Variants in SKP2 observed in about 807,000 individuals in gnomAD.
The protein encoded by SKP2 is S-phase kinase associated protein 2, also known as S-phase kinase-associated protein 2.
Under a neutral mutation model 51.8 loss-of-function variants are expected in SKP2, and 16 were observed. That is an observed-to-expected ratio of 0.31 (90% CI 0.21 to 0.47). SKP2 has a LOEUF of 0.47. SKP2 is among the 20% of genes least tolerant of loss of function. SKP2 has a pLI of 1.00. For missense variants in SKP2, 377 were observed against 505.3 expected, an observed-to-expected ratio of 0.75 and a Z score of 2.43; for synonymous variants, 176 against 198.6, an observed-to-expected ratio of 0.89 and a Z score of 0.96.
chr5:36,156,319 A>T (rs1744945597), intron 2 of SKP2, among the ~76,000 whole-genome samples: 2 of 152,196 alleles, frequency 1.3e-5, no homozygotes. Context: ...TTGTCAGGAC[A>T]GGTGGCTACT....
intron 4 of SKP2, 63 bp downstream of exon 4, chr5:36,166,725 C>A: frequency 2.2e-6 from 2 of 902,380 alleles, no homozygotes; most frequent in Admixed American, 2.4e-5. Context: ...CAGATCAAAG[C>A]TTTTTTTTTT....
chr5:36,182,899 G>A lies in SKP2; in HGVS notation c.*868G>A, dbSNP rs1258110975. 2.0e-6 allele frequency: 2 copies of A among 984,630 alleles called. No individual in the cohort carries two copies. Among genetic ancestry groups the A allele is most frequent in the African/African-American group, 3.5e-5 (2 of 57,194 alleles). 61.0% of individuals were successfully genotyped at this position (984,630 alleles called of 1,614,324 possible). Reference sequence around the variant, plus strand: ...TCCACTCTCTATTCTTGAAAATTTGGATGGGAGAATTCTGAAGTTGCCTGC... The same window carrying A: ...TCCACTCTCTATTCTTGAAAATTTGAATGGGAGAATTCTGAAGTTGCCTGC... On this transcript the variant is annotated 3_prime_UTR_variant, in exon 10 of 10. Transcript: ENST00000274255.
chr5:36,163,599 T>C (rs1745193183), intron 2 of SKP2, 46 bp from the exon 3 acceptor site: 4 of 1,160,102 alleles, frequency 3.4e-6, no homozygotes, highest in African/African-American at 1.5e-5. Flanking sequence ...GTAGACTTGA[T>C]AGGGTGAAAG....
chr5:36,154,932 A>G (rs568626869), intron 2 of SKP2, among the ~76,000 whole-genome samples: 14 of 152,326 alleles, frequency 9.2e-5, no homozygotes, highest in Admixed American at 1.3e-4. Context: ...TGTTGAAATC[A>G]TCTGTGGAAG....
chr5:36,170,027 T>C (rs1319146091), intron 5 of SKP2, among the ~76,000 whole-genome samples: 5 of 152,230 alleles, frequency 3.3e-5, no homozygotes. Context: ...TGGATATATG[T>C]TTATTCCATT....
At chr5:36,164,952 CTACAA>C (rs1168361811) in intron 3 of SKP2, among the ~76,000 whole-genome samples, 4 of 152,198 alleles carry the variant, frequency 2.6e-5, no homozygotes, top group African/African-American at 9.6e-5. Context: ...AACATTCTGA[CTACAA>C]TACAGTATTA....
At chr5:36,152,681 C>A in intron 1 of SKP2, 90 bp from the exon 2 acceptor site, 1 of 1,369,492 alleles carries the variant, frequency 7.3e-7, no homozygotes, top group Non-Finnish European at 1.0e-6. Flanking sequence ...AGGTTTCCTA[C>A]AATGCATAAA....
chr5:36,164,475 A>G (rs1231329731), intron 3 of SKP2, among the ~76,000 whole-genome samples: 1 of 152,216 alleles, frequency 6.6e-6, no homozygotes, highest in African/African-American at 2.4e-5. Flanking sequence ...ACTTTTTACT[A>G]TCTTCATGCC....
chr5:36,153,479 G>C (rs923192169), intron 2 of SKP2, among the ~76,000 whole-genome samples: 1 of 152,016 alleles, frequency 6.6e-6, no homozygotes, highest in African/African-American at 2.4e-5. Flanking sequence ...TCACCTAAGT[G>C]GGGGAGACAT....
At chr5:36,153,720 CCTT>C (rs1185351914) in intron 2 of SKP2, among the ~76,000 whole-genome samples, 1 of 152,144 alleles carries the variant, frequency 6.6e-6, no homozygotes. Context: ...ATAATTCCAA[CCTT>C]CTTCTCCCCA....
chr5:36,191,941 T>TATG (rs1746034561), intron 6 of SKP2, among the ~76,000 whole-genome samples: 1 of 152,224 alleles, frequency 6.6e-6, no homozygotes, highest in Non-Finnish European at 1.5e-5. Flanking sequence ...TTTGAGTTAC[T>TATG]ATGTTTTAGC....
chr5:36,180,004 AC>A (rs1213803524), intron 9 of SKP2, among the ~76,000 whole-genome samples: 1 of 150,700 alleles, frequency 6.6e-6, no homozygotes, highest in Non-Finnish European at 1.5e-5. Context: ...ATCTTATATA[AC>A]CCCCTTATAT....
chr5:36,161,927 T>G (rs1745133423), intron 2 of SKP2, among the ~76,000 whole-genome samples: 3 of 152,248 alleles, frequency 2.0e-5, no homozygotes, highest in Non-Finnish European at 4.4e-5. Context: ...TTAGGATTCC[T>G]TCATTGTGCA....
At chr5:36,152,296 A>G (rs1744756105) in intron 1 of SKP2, 26 bp downstream of exon 1, 2 of 1,608,336 alleles carry the variant, frequency 1.2e-6, no homozygotes, top group Non-Finnish European at 1.7e-6. Context: ...AAAGGGGAAG[A>G]GCATGAAATG....
At chr5:36,164,972 C>G (rs929185012) in intron 3 of SKP2, among the ~76,000 whole-genome samples, 1 of 152,198 alleles carries the variant, frequency 6.6e-6, no homozygotes, top group South Asian at 2.1e-4. Context: ...GTATTATCGA[C>G]TCTAGTTCTC....
At chr5:36,168,258 T>G (rs1418353866) in intron 4 of SKP2, 55 bp from the exon 5 acceptor site, 1 of 1,572,268 alleles carries the variant, frequency 6.4e-7, no homozygotes, top group Non-Finnish European at 8.6e-7. Flanking sequence ...TGGTTTGAAA[T>G]TGGATGTACC....
At chr5:36,153,210 G>GTAGA (rs1342890655) in intron 2 of SKP2, among the ~76,000 whole-genome samples, 168 bp downstream of exon 2, 1 of 122,648 alleles carries the variant, frequency 8.2e-6, no homozygotes, top group East Asian at 2.3e-4. Context: ...AGGAATCTTG[G>GTAGA]TAGATATATA....
chr5:36,165,850 A>G (rs1745267312), intron 3 of SKP2, among the ~76,000 whole-genome samples: 1 of 152,230 alleles, frequency 6.6e-6, no homozygotes, highest in African/African-American at 2.4e-5. Context: ...GCTATTCAGT[A>G]CGTTTTTAGA....
intron 7 of SKP2, chr5:36,192,985 C>G (rs1025426427): frequency 6.6e-6 from 1 of 152,164 alleles, no homozygotes; most frequent in African/African-American, 2.4e-5. Context: ...CTTATTCTTA[C>G]AAATAAACCC....
Sources: allele counts gnomAD v4.1 joint callset (sites outside exome capture counted in the v4.1 genomes callset), GRCh38; gene constraint gnomAD v4.1.1; transcripts MANE v1.5; gene names NCBI Gene and HGNC (gene_info 2026-07-23, HGNC 2026-07-21).